Variants in LGALS4 observed in about 807,000 individuals in gnomAD.
LGALS4 encodes galectin-4.
Under a neutral mutation model 39.6 loss-of-function variants are expected in LGALS4, and 37 were observed. That is an observed-to-expected ratio of 0.93 (90% CI 0.72 to 1.23). The LOEUF (loss-of-function observed/expected upper bound fraction) is 1.23, where lower values mean the gene tolerates loss of function less well. Ranked by LOEUF, LGALS4 falls within the 50% of genes most tolerant of loss-of-function variation. The pLI, the probability that LGALS4 is intolerant of heterozygous loss-of-function variation, is 0.00. For missense variants in LGALS4, 397 were observed against 433.2 expected (o/e 0.92, Z 0.74); for synonymous variants, 160 against 165.5 (o/e 0.97, Z 0.25).
At chr19:38,812,057 G>GA (rs1600002261) in intron 2 of LGALS4, among the ~76,000 whole-genome samples, 1 of 151,766 alleles carries the variant, frequency 6.6e-6, no homozygotes, top group East Asian at 1.9e-4. Flanking sequence ...GAAAAGAAAA[G>GA]AAAATGAAGC....
rs1971385017 is a variant in LGALS4, at chr19:38,803,486, C to G, written c.570+36G>C. 3.7e-6 allele frequency: 6 copies of G among 1,610,510 alleles called. No individual in the cohort carries two copies. In the South Asian group the frequency reaches 6.6e-5, roughly 18 times the overall value. On this transcript the variant is annotated intron_variant, in intron 7 of 9. Transcript: ENST00000307751. ...CAGATTCCCTGGAGATCCGTGCCCC[C>G]TCCCCACCATCCATCTCTGTTTCCC... is the stretch of plus-strand genomic sequence containing the variant.
intron 2 of LGALS4, among the ~76,000 whole-genome samples, chr19:38,811,061 C>T (rs1971488039): frequency 6.6e-6 from 1 of 151,922 alleles, no homozygotes; most frequent in African/African-American, 2.4e-5. Context: ...GCCACCACGC[C>T]CTGGTAATTT....
At chr19:38,810,337 C>T (rs1220730654) in intron 2 of LGALS4, among the ~76,000 whole-genome samples, 2 of 141,818 alleles carry the variant, frequency 1.4e-5, no homozygotes, top group Non-Finnish European at 3.0e-5. Flanking sequence ...GTATTTTCAG[C>T]AGAGATGAGA....
chr19:38,802,470 T>G (rs1432721318), intron 7 of LGALS4, 66 bp from the exon 8 acceptor site: 1 of 1,211,812 alleles, frequency 8.3e-7, no homozygotes, highest in Non-Finnish European at 1.2e-6. Flanking sequence ...GGGAAGAAAT[T>G]TTCTTTTTCT....
At position 38,812,875 on chromosome 19, in the gene LGALS4, GA is replaced by G. The variant is rs1971511904; in HGVS notation, c.11del (p.Val4AlafsTer40). The G allele has an allele frequency of 6.2e-7, 1 of 1,612,166 alleles. No individual in the cohort carries two copies. The highest frequency in any genetic ancestry group is 8.5e-7 in the Non-Finnish European group (1 of 1,180,014). On this transcript the variant is annotated frameshift_variant, in exon 1 of 10. Transcript: ENST00000307751. LOFTEE classifies it high-confidence loss of function. MAY[V>X]PAPGYQPTYN... ...AGGTGGGCTGGTAGCCCGGTGCGGG[GA>G]CATAGGCCATCGCTCGAGGCTGCGC...
Position 38,808,994 on chromosome 19 carries a change from G to C in LGALS4, c.135-46C>G, listed in dbSNP as rs866167763. The C allele has an allele frequency of 1.3e-5, 19 of 1,498,616 alleles. No individual in the cohort carries two copies. In the Middle Eastern group the frequency reaches 6.5e-4, roughly 51 times the overall value. The allele number at this position is 1,498,616 out of a possible 1,614,324, so 92.8% of individuals were successfully genotyped here. ...CATTCCCCTGGTGCCACCTCCCGGG[G>C]CCTGGGGGCCTCCTCCAGGAAGCCC... On this transcript the variant is annotated intron_variant, in intron 2 of 9. Coordinates refer to ENST00000307751, the MANE Select transcript of LGALS4 (RefSeq NM_006149.4).
intron 7 of LGALS4, chr19:38,803,097 C>T: frequency 5.8e-6 from 1 of 173,008 alleles, no homozygotes; most frequent in Non-Finnish European, 1.2e-5. Flanking sequence ...TCACTGCAAC[C>T]TCCGACTCCC....
intron 3 of LGALS4, among the ~76,000 whole-genome samples, chr19:38,807,956 C>T (rs947828737): frequency 2.6e-5 from 4 of 152,054 alleles, no homozygotes; most frequent in African/African-American, 9.7e-5. Flanking sequence ...TCCCTAATCT[C>T]AAGTACCCAG....
Position 38,802,334 on chromosome 19 carries a change from A to G in LGALS4, c.641T>C (p.Val214Ala), listed in dbSNP as rs773953511. Residue 214 changes from valine (V) to alanine (A), a missense_variant, in exon 8 of 10, where the codon GTG becomes GCG. By Grantham distance (64) the Val-to-Ala change is moderately conservative. Coordinates refer to ENST00000307751, the MANE Select transcript of LGALS4 (RefSeq NM_006149.4). ...ARRTIIIKGY[V>A]PPTGKSFAIN... Reference sequence around the variant, plus strand: ...GTTATACCTCTTGCCTGTGGGAGGCACATAGCCCTTGATGATGATGGTTCT... The same window carrying G: ...GTTATACCTCTTGCCTGTGGGAGGCGCATAGCCCTTGATGATGATGGTTCT... The G allele has an allele frequency of 1.2e-6, 2 of 1,614,154 alleles. No homozygotes were observed. Among genetic ancestry groups the G allele is most frequent in the Admixed American group, 3.3e-5 (2 of 60,018 alleles).
intron 4 of LGALS4, among the ~76,000 whole-genome samples, chr19:38,805,168 ATAATAAT>A (rs1971408168): frequency 1.9e-5 from 2 of 103,522 alleles, no homozygotes; most frequent in South Asian, 5.9e-4. Flanking sequence ...TGCCTCAAAA[ATAATAAT>A]AATAATAATA....
At chr19:38,803,936 C>T (rs1241984892) in intron 4 of LGALS4, 41 bp from the exon 5 acceptor site, 1 of 1,581,794 alleles carries the variant, frequency 6.3e-7, no homozygotes, top group South Asian at 1.2e-5. Flanking sequence ...AGAGGGTCCC[C>T]AGATTTGCGA....
intron 3 of LGALS4, among the ~76,000 whole-genome samples, chr19:38,808,517 G>A (rs979186643): frequency 4.0e-5 from 6 of 151,752 alleles, no homozygotes; most frequent in Admixed American, 2.0e-4. Context: ...CCAGCTACTC[G>A]GGAGGCTGAG....
chr19:38,809,024 C>T, intron 2 of LGALS4, 76 bp from the exon 3 acceptor site: 3 of 1,282,112 alleles, frequency 2.3e-6, no homozygotes, highest in South Asian at 1.4e-5. Flanking sequence ...AAGCCCTCTC[C>T]CTGCCGCCCT....
chr19:38,809,976 C>T (rs542568588), intron 2 of LGALS4, among the ~76,000 whole-genome samples: 4 of 152,244 alleles, frequency 2.6e-5, no homozygotes, highest in Admixed American at 2.0e-4. Context: ...CATCATATTC[C>T]GCACCCCTGG....
In LGALS4 at chr19:38,801,749, G is replaced by C; in HGVS notation, c.*15C>G. Reference sequence around the variant, plus strand: ...ATAATTCTGTTTTCCCATGAGTTATGGCCCCAGGAATAGATTAGATCTGGA... The same window carrying C: ...ATAATTCTGTTTTCCCATGAGTTATCGCCCCAGGAATAGATTAGATCTGGA... On this transcript the variant is annotated 3_prime_UTR_variant, in exon 10 of 10. Coordinates refer to ENST00000307751, the MANE Select transcript of LGALS4 (RefSeq NM_006149.4). The C allele has an allele frequency of 6.2e-7, 1 of 1,613,388 alleles. No individual in the cohort carries two copies. The highest frequency in any genetic ancestry group is 8.5e-7 in the Non-Finnish European group (1 of 1,179,550).
intron 3 of LGALS4, among the ~76,000 whole-genome samples, chr19:38,807,306 C>A (rs1971434120): frequency 6.6e-6 from 1 of 151,838 alleles, no homozygotes; most frequent in Non-Finnish European, 1.5e-5. Context: ...GAGGTTGAGG[C>A]TGTAGTGAGC....
At chr19:38,807,990 G>A (rs933961693) in intron 3 of LGALS4, among the ~76,000 whole-genome samples, 17 of 152,058 alleles carry the variant, frequency 1.1e-4, no homozygotes, top group African/African-American at 3.9e-4. Context: ...GTGGAAGGCC[G>A]CAGGGCCCTC....
At position 38,803,945 on chromosome 19, in the gene LGALS4, G is replaced by A. The variant is rs115215608; in HGVS notation, c.475-50C>T. On this transcript the variant is annotated intron_variant, in intron 4 of 9. Coordinates refer to ENST00000307751, the MANE Select transcript of LGALS4 (RefSeq NM_006149.4). ...GTTATGAGAGGGTCCCCAGATTTGCGACTGAAAGATGTCGAGAGTGCCTGC... is the reference window on the plus strand; with the variant it reads ...GTTATGAGAGGGTCCCCAGATTTGCAACTGAAAGATGTCGAGAGTGCCTGC... The A allele has an allele frequency of 2.6e-3, 4,125 of 1,571,442 alleles. 82 individuals are homozygous for A. In the African/African-American group the frequency reaches 0.047, roughly 18 times the overall value.
intron 2 of LGALS4, among the ~76,000 whole-genome samples, chr19:38,811,043 A>G (rs1216487223): frequency 1.3e-5 from 2 of 151,826 alleles, no homozygotes; most frequent in Non-Finnish European, 2.9e-5. Context: ...CTGGGATTAC[A>G]GGCATGCGCC....
Sources: gnomAD v4.1 joint callset for allele counts (sites outside exome capture counted in the v4.1 genomes callset) on GRCh38, gnomAD v4.1.1 for gene constraint, MANE v1.5 for transcripts, NCBI Gene and HGNC (gene_info 2026-07-23, HGNC 2026-07-21) for gene names.